The following ORC3 variants were observed in gnomAD, a reference collection of about 807,000 sequenced individuals.
ORC3 encodes origin recognition complex subunit 3, also known as homolog of latheo, Drosophila.
ORC3 carries 78 observed loss-of-function variants against 100.7 expected under a neutral mutation model. The observed-to-expected ratio is 0.77, with a 90% confidence interval of 0.65 to 0.94. The LOEUF (loss-of-function observed/expected upper bound fraction) is 0.94. ORC3 is among the 40% of genes least tolerant of loss of function. The pLI is 0.00. For missense variants in ORC3, 789 were observed against 823.9 expected (o/e 0.96, Z 0.52); for synonymous variants, 295 against 289.3 (o/e 1.02, Z -0.20).
chr6:87,674,240 T>C, the ORC3 span, among the ~76,000 whole-genome samples: 1 of 141,694 alleles, frequency 7.1e-6, no homozygotes, highest in Non-Finnish European at 1.5e-5. Flanking sequence ...AGGCAGAGAT[T>C]GCAGTGAGCC....
chr6:87,632,166 AAAAC>A (rs1337806288), intron 11 of ORC3, among the ~76,000 whole-genome samples: 1 of 152,186 alleles, frequency 6.6e-6, no homozygotes, highest in South Asian at 2.1e-4. Context: ...TCCATCTCCA[AAAAC>A]AAACAAACAA....
chr6:87,643,301 T>C (rs1489182837), intron 13 of ORC3, among the ~76,000 whole-genome samples: 1 of 152,078 alleles, frequency 6.6e-6, no homozygotes. Flanking sequence ...TTGGGAACGC[T>C]GGTATGGTGT....
At chr6:87,608,908 T>C (rs1288895851) in intron 6 of ORC3, among the ~76,000 whole-genome samples, 188 bp from the exon 7 acceptor site, 1 of 152,210 alleles carries the variant, frequency 6.6e-6, no homozygotes, top group Non-Finnish European at 1.5e-5. Context: ...TTTTTCTTCT[T>C]GGTTATTATT....
chr6:87,637,879 C>T (rs1767947594), intron 13 of ORC3, among the ~76,000 whole-genome samples: 1 of 152,154 alleles, frequency 6.6e-6, no homozygotes, highest in African/African-American at 2.4e-5. Flanking sequence ...TAGGCACTCT[C>T]AGTACATTTT....
chr6:87,625,413 T>C (rs549569554), intron 11 of ORC3, among the ~76,000 whole-genome samples: 2 of 152,328 alleles, frequency 1.3e-5, no homozygotes, highest in African/African-American at 4.8e-5. Context: ...TGGTATCTCA[T>C]TGTGGTTTTG....
intron 1 of ORC3, among the ~76,000 whole-genome samples, chr6:87,594,097 G>A (rs1432609950): frequency 1.3e-5 from 2 of 152,204 alleles, no homozygotes; most frequent in Admixed American, 6.5e-5. Context: ...TCTTAGATCA[G>A]GTGTCAAAGA....
intron 8 of ORC3, among the ~76,000 whole-genome samples, chr6:87,614,347 T>C (rs1779002345): frequency 6.6e-6 from 1 of 152,124 alleles, no homozygotes; most frequent in Admixed American, 6.6e-5. Flanking sequence ...GTGAAATCGC[T>C]TTTGCCTCCT....
chr6:87,629,634 T>G (rs2128273678), intron 11 of ORC3, among the ~76,000 whole-genome samples: 1 of 152,284 alleles, frequency 6.6e-6, no homozygotes, highest in African/African-American at 2.4e-5. Context: ...AGTTTTTGGC[T>G]TCTAGTGTGC....
In ORC3 at chr6:87,612,190, G is replaced by A; in HGVS notation, c.815G>A (p.Cys272Tyr). ...CCTCATGCAGTATCATCTCTATTGTGCATAGAACTGTTCCAATCTTTGTCT... is the reference window on the plus strand; with the variant it reads ...CCTCATGCAGTATCATCTCTATTGTACATAGAACTGTTCCAATCTTTGTCT... Reference protein sequence around the residue: ...LLPHAVSSLLCIELFQSLSCK... With the variant: ...LLPHAVSSLLYIELFQSLSCK... The change falls in exon 8 of 20, where the codon TGC becomes TAC. Residue 272 changes from cysteine (C) to tyrosine (Y), a missense_variant. By Grantham distance (194) the Cys-to-Tyr change is radical. Coordinates refer to ENST00000392844, the MANE Select transcript of ORC3 (RefSeq NM_012381.4). 1 of 1,612,552 alleles carries A rather than the reference G, an allele frequency of 6.2e-7. No individual in the cohort carries two copies. Among genetic ancestry groups the A allele is most frequent in the Non-Finnish European group, 8.5e-7 (1 of 1,179,062 alleles).
chr6:87,594,647 G>A lies in ORC3; in HGVS notation c.79+240G>A, dbSNP rs1334405652. 3.4e-6 allele frequency: 3 copies of A among 871,528 alleles called. No individual in the cohort carries two copies. The African/African-American group carries it at 5.2e-5, about 15-fold the overall frequency. The allele number at this position is 871,528 out of a possible 1,614,324, so 54.0% of individuals were successfully genotyped here. A position where few individuals can be genotyped will look rare whatever the true frequency, so the allele number is the denominator to read the frequency against. Reference sequence around the variant, plus strand: ...GAAGCAAATTTCCTTCAAAGGATATGCTGCTATTCTTTAAAAGAGATTGTC... The same window carrying A: ...GAAGCAAATTTCCTTCAAAGGATATACTGCTATTCTTTAAAAGAGATTGTC... On this transcript the variant is annotated intron_variant, in intron 2 of 19. Coordinates refer to ENST00000392844, the MANE Select transcript of ORC3 (RefSeq NM_012381.4).
intron 13 of ORC3, among the ~76,000 whole-genome samples, chr6:87,637,592 T>C (rs1562360287): frequency 6.6e-6 from 1 of 152,244 alleles, no homozygotes; most frequent in Non-Finnish European, 1.5e-5. Context: ...ACCTATCTTA[T>C]ATACCCAGTT....
intron 19 of ORC3, 37 bp from the exon 20 acceptor site, chr6:87,666,975 TCAAAAA>T: frequency 8.1e-7 from 1 of 1,233,378 alleles, no homozygotes; most frequent in Non-Finnish European, 1.2e-6. Context: ...TCCCTTTTTG[TCAAAAA>T]TACAGCACGG....
At chr6:87,591,239 TG>T (rs918515656) in intron 1 of ORC3, among the ~76,000 whole-genome samples, 3 of 152,184 alleles carry the variant, frequency 2.0e-5, no homozygotes, top group Non-Finnish European at 2.9e-5. Flanking sequence ...TGAGTTCTAT[TG>T]TAAGTGCAGC....
intron 16 of ORC3, 134 bp downstream of exon 16, chr6:87,658,152 T>C: frequency 1.8e-6 from 1 of 559,204 alleles, no homozygotes; most frequent in Non-Finnish European, 3.2e-6. Context: ...GGTCTCTCCA[T>C]CTAGCTTAGA....
intron 13 of ORC3, among the ~76,000 whole-genome samples, chr6:87,646,004 T>TTTTTTTTTTTC (rs1554251608): frequency 8.7e-5 from 13 of 149,728 alleles, no homozygotes; most frequent in African/African-American, 3.2e-4. Context: ...TCTTTTTTTT[T>TTTTTTTTTTTC]GAGGCGGAGT....
intron 1 of ORC3, among the ~76,000 whole-genome samples, chr6:87,593,766 A>G (rs1777217132): frequency 6.6e-6 from 1 of 152,224 alleles, no homozygotes; most frequent in South Asian, 2.1e-4. Context: ...GCACGATCTC[A>G]GCCCACTGCA....
chr6:87,594,652 T>G (rs1777297102), intron 2 of ORC3: 1 of 841,696 alleles, frequency 1.2e-6, no homozygotes, highest in African/African-American at 1.8e-5. Flanking sequence ...GATATGCTGC[T>G]ATTCTTTAAA....
At chr6:87,598,764 A>G (rs1221980411) in intron 2 of ORC3, among the ~76,000 whole-genome samples, 1 of 152,016 alleles carries the variant, frequency 6.6e-6, no homozygotes, top group Non-Finnish European at 1.5e-5. Flanking sequence ...AGCAGGAATG[A>G]GGGAAACATA....
At chr6:87,592,132 A>G (rs1016255269) in intron 1 of ORC3, among the ~76,000 whole-genome samples, 16 of 152,210 alleles carry the variant, frequency 1.1e-4, no homozygotes, top group Admixed American at 5.9e-4. Context: ...GCAGTTCCAA[A>G]TGGTTAACCA....
Sources: allele counts gnomAD v4.1 joint callset (sites outside exome capture counted in the v4.1 genomes callset), GRCh38; gene constraint gnomAD v4.1.1; transcripts MANE v1.5; gene names NCBI Gene and HGNC (gene_info 2026-07-23, HGNC 2026-07-21).